Variants in ZFP90 observed in about 807,000 individuals in gnomAD.
ZFP90 encodes ZFP90 zinc finger protein, also known as zinc finger protein 90 homolog.
In ZFP90, 38 loss-of-function variants were observed where a neutral mutation model predicts 60.8. The observed-to-expected ratio is 0.62, with a 90% confidence interval of 0.48 to 0.82. The LOEUF is 0.82. ZFP90 is among the 40% of genes least tolerant of loss of function. The probability of loss-of-function intolerance (pLI) is 0.00; values close to 1 mark genes in which losing one functional copy is unlikely to be tolerated. For synonymous variants in ZFP90, 287 were observed against 264.8 expected, an observed-to-expected ratio of 1.08 and a Z score of -0.82; for missense variants, 711 against 759.1, an observed-to-expected ratio of 0.94 and a Z score of 0.74.
In ZFP90 at chr16:68,544,831, G is replaced by A. The variant is rs562404334; in HGVS notation, c.33+5006G>A. ...ACCTTCCCGTGTAACGTTAGGTACC[G>A]CTCCTGTGTGTGCCCATAGCACCTG... On this transcript the variant is annotated intron_variant, in intron 2 of 4. Coordinates refer to ENST00000563169, the MANE Select transcript of ZFP90 (RefSeq NM_001305203.2). 7.5e-5 allele frequency among the ~76,000 whole-genome samples: 11 copies of A among 146,812 alleles called. 1 individual carries two copies. Among genetic ancestry groups the A allele is most frequent in the Admixed American group, 6.9e-4 (10 of 14,498 alleles).
downstream of ZFP90, among the ~76,000 whole-genome samples, chr16:68,572,079 C>T (rs2091571802): frequency 6.6e-6 from 1 of 151,984 alleles, no homozygotes; most frequent in Admixed American, 6.6e-5. Context: ...GATCATAGCT[C>T]ACTGAAGCCT....
chr16:68,564,864 C>G lies in ZFP90; in HGVS notation c.*166C>G, dbSNP rs1275808475. On this transcript the variant is annotated 3_prime_UTR_variant, in exon 5 of 5. Transcript: ENST00000563169. ...AGATTTTTTTTTTTTAACATAAAGA[C>G]ACATTCTCAGATCTGATTACAGACT... The G allele has an allele frequency of 3.6e-6, 5 of 1,394,078 alleles. No individual in the cohort carries two copies. Among genetic ancestry groups the G allele is most frequent in the Non-Finnish European group, 4.6e-6 (5 of 1,081,062 alleles). 86.4% of individuals were successfully genotyped at this position (1,394,078 alleles called of 1,614,324 possible).
At chr16:68,536,786 C>G (rs1158789134), upstream of ZFP90, among the ~76,000 whole-genome samples, 2 of 152,208 alleles carry the variant, frequency 1.3e-5, no homozygotes, top group East Asian at 3.8e-4. Context: ...ATCCTCAACT[C>G]TTGAGACCTG....
intron 2 of ZFP90, among the ~76,000 whole-genome samples, chr16:68,547,006 G>C (rs778786218): frequency 1.8e-4 from 27 of 152,270 alleles, no homozygotes; most frequent in Non-Finnish European, 3.2e-4. Context: ...CACTTGCTTT[G>C]TTTACATGTT....
downstream of ZFP90, chr16:68,576,149 A>G (rs1186793659): frequency 4.8e-6 from 1 of 206,292 alleles, no homozygotes; most frequent in Non-Finnish European, 9.6e-6. Flanking sequence ...CTGAAAACCA[A>G]CAGCCAGGCA....
At position 68,564,838 on chromosome 16, in the gene ZFP90, C is replaced by A; in HGVS notation, c.*140C>A. Reference sequence around the variant, plus strand: ...GTGTGTGGAGAAAACTGCCAGTAGACAGATTTTTTTTTTTTAACATAAAGA... The same window carrying A: ...GTGTGTGGAGAAAACTGCCAGTAGAAAGATTTTTTTTTTTTAACATAAAGA... On this transcript the variant is annotated 3_prime_UTR_variant, in exon 5 of 5. Coordinates refer to ENST00000563169, the MANE Select transcript of ZFP90 (RefSeq NM_001305203.2). 1 of 963,644 alleles carries A rather than the reference C, an allele frequency of 1.0e-6. No homozygotes were observed. The allele number at this position is 963,644 out of a possible 1,614,324, so 59.7% of individuals were successfully genotyped here.
chr16:68,549,313 A>G (rs766311925), intron 2 of ZFP90, among the ~76,000 whole-genome samples: 1 of 152,208 alleles, frequency 6.6e-6, no homozygotes, highest in Non-Finnish European at 1.5e-5. Context: ...TGGACAATTT[A>G]GAAAAGCTGC....
chr16:68,551,518 T>G (rs939870695), intron 2 of ZFP90, among the ~76,000 whole-genome samples: 4 of 148,520 alleles, frequency 2.7e-5, no homozygotes, highest in Non-Finnish European at 5.9e-5. Flanking sequence ...GTCTCCTGGG[T>G]TCAAGCAATT....
At chr16:68,575,417 T>G (rs544338917) in intron 2 of ZFP90, among the ~76,000 whole-genome samples, 4 of 150,622 alleles carry the variant, frequency 2.7e-5, no homozygotes, top group African/African-American at 9.8e-5. Context: ...CAGCTCTCAG[T>G]GGAGAGGGGA....
chr16:68,575,150 C>T (rs1474814553), intron 2 of ZFP90, among the ~76,000 whole-genome samples: 1 of 152,176 alleles, frequency 6.6e-6, no homozygotes, highest in Non-Finnish European at 1.5e-5. Context: ...AGCAGTGTCC[C>T]CACCTGGGCC....
At position 68,541,599 on chromosome 16, in the gene ZFP90, C is replaced by T. The variant is rs1036454056; in HGVS notation, c.33+1774C>T. On this transcript the variant is annotated intron_variant, in intron 2 of 4. Transcript: ENST00000563169. ...GGCGTGAGCCACCGGGCCCGGCCTGCGTTTTTATATATATATATACTTCTT... is the reference window on the plus strand; with the variant it reads ...GGCGTGAGCCACCGGGCCCGGCCTGTGTTTTTATATATATATATACTTCTT... 8.6e-5 allele frequency among the ~76,000 whole-genome samples: 13 copies of T among 151,846 alleles called. No individual in the cohort carries two copies. In the South Asian group the frequency reaches 1.3e-3, roughly 15 times the overall value.
Position 68,564,513 on chromosome 16 carries a change from A to C in ZFP90, c.1726A>C (p.Thr576Pro). Residue 576 changes from threonine (T) to proline (P), a missense_variant, in exon 5 of 5, where the codon ACT (threonine) becomes CCT (proline). Thr to Pro is a conservative substitution (Grantham distance 38). Around this residue, in one of 5 missense-constraint regions of ZFP90, gnomAD observed 295 missense variants for 274.0 expected, o/e 1.08. Coordinates refer to ENST00000563169, the MANE Select transcript of ZFP90 (RefSeq NM_001305203.2). ...SSLIQHERTH[T>P]GEKPYECNEC... ...TCTCATTCAGCATGAGAGAACTCAT[A>C]CTGGAGAGAAGCCCTATGAATGTAA... is the stretch of plus-strand genomic sequence containing the variant. The C allele has an allele frequency of 6.2e-7, 1 of 1,614,096 alleles. No homozygotes were observed. Among genetic ancestry groups the C allele is most frequent in the Non-Finnish European group, 8.5e-7 (1 of 1,179,938 alleles).
chr16:68,545,520 A>G (rs576145386), intron 2 of ZFP90, among the ~76,000 whole-genome samples: 1 of 152,314 alleles, frequency 6.6e-6, no homozygotes, highest in East Asian at 1.9e-4. Context: ...CTGTTCCTCT[A>G]AGAACTGTTT....
At chr16:68,541,161 T>C (rs1485258474) in intron 2 of ZFP90, among the ~76,000 whole-genome samples, 1 of 152,020 alleles carries the variant, frequency 6.6e-6, no homozygotes, top group Non-Finnish European at 1.5e-5. Flanking sequence ...TCAACCTCCC[T>C]AGTAGCTGGG....
intron 2 of ZFP90, among the ~76,000 whole-genome samples, chr16:68,575,306 T>C (rs1397484454): frequency 6.6e-6 from 1 of 152,100 alleles, no homozygotes; most frequent in African/African-American, 2.4e-5. Context: ...ATACCCGCAT[T>C]TGACAGTTGC....
At chr16:68,539,850 TG>T in intron 2 of ZFP90, 25 bp downstream of exon 2, 1 of 1,604,430 alleles carries the variant, frequency 6.2e-7, no homozygotes, top group Admixed American at 1.7e-5. Context: ...CCTAACCTCC[TG>T]GGCATCCCAT....
intron 2 of ZFP90, among the ~76,000 whole-genome samples, chr16:68,546,166 C>G (rs935781231): frequency 6.6e-6 from 1 of 152,130 alleles, no homozygotes; most frequent in South Asian, 2.1e-4. Context: ...CACAGCAAGA[C>G]TCTGACTCAA....
rs374577309 is a variant in ZFP90 at position 68,564,646 on chromosome 16, G to A, written c.1859G>A (p.Arg620Gln). Reference protein sequence around the residue: ...SCKECGKNFSRSSALTKHQRI... With the variant: ...SCKECGKNFSQSSALTKHQRI... ...AAGGAATGTGGGAAAAACTTCAGCC[G>A]AAGTTCAGCTCTTACTAAACACCAG... The change falls in exon 5 of 5, where the codon CGA (arginine) becomes CAA (glutamine). Residue 620 changes from arginine to glutamine, a missense_variant. By Grantham distance (43) the Arg-to-Gln change is conservative. Coordinates refer to ENST00000563169, the MANE Select transcript of ZFP90 (RefSeq NM_001305203.2). The A allele has an allele frequency of 1.9e-4, 305 of 1,613,932 alleles. No individual in the cohort carries two copies. Among genetic ancestry groups the A allele is most frequent in the Non-Finnish European group, 2.5e-4 (291 of 1,179,942 alleles).
upstream of ZFP90, chr16:68,535,592 A>C (rs1371351343): frequency 6.6e-6 from 1 of 152,164 alleles, no homozygotes; most frequent in Non-Finnish European, 1.5e-5. Context: ...ACTTTTCCCA[A>C]CACTGCCATA....
Sources: allele counts gnomAD v4.1 joint callset (sites outside exome capture counted in the v4.1 genomes callset), GRCh38; gene constraint gnomAD v4.1.1; regional missense constraint gnomAD v4.1.1; transcripts MANE v1.5; gene names NCBI Gene and HGNC (gene_info 2026-07-23, HGNC 2026-07-21).